TCF20: variants seen among roughly 807,000 people sequenced by gnomAD.
TCF20 encodes the protein SPRE-binding protein.
In TCF20, 3 loss-of-function variants were observed where a neutral mutation model predicts 148.6. The observed-to-expected ratio is 0.02, with a 90% CI of 0.01 to 0.05. The LOEUF (loss-of-function observed/expected upper bound fraction) is 0.05, where lower values mean the gene tolerates loss of function less well. Among genes scored for constraint, TCF20 ranks in the 10% least tolerant of loss-of-function variants. The probability of loss-of-function intolerance (pLI) is 1.00; values close to 1 mark genes in which losing one functional copy is unlikely to be tolerated. For missense variants in TCF20, 2,350 were observed against 2,429.3 expected, an observed-to-expected ratio of 0.97 and a Z score of 0.69; for synonymous variants, 1,049 against 909.5, an observed-to-expected ratio of 1.15 and a Z score of -2.76.
upstream of TCF20, among the ~76,000 whole-genome samples, chr22:42,271,239 G>A (rs1482493731): frequency 6.6e-6 from 1 of 152,242 alleles, no homozygotes; most frequent in Non-Finnish European, 1.5e-5. Context: ...GAACGACTTG[G>A]GTCCTCTCAG....
At chr22:42,215,385 G>A in intron 1 of TCF20, 44 bp from the exon 2 acceptor site, 1 of 1,513,828 alleles carries the variant, frequency 6.6e-7, no homozygotes, top group Non-Finnish European at 8.8e-7. Context: ...CATCTCCTTG[G>A]TACAAATAAA....
chr22:42,239,918 AAT>A (rs1924245495), intron 1 of TCF20, among the ~76,000 whole-genome samples: 2 of 152,270 alleles, frequency 1.3e-5, no homozygotes, highest in South Asian at 4.1e-4. Context: ...AGACTTGCTC[AAT>A]GCAGGGTTGC....
intron 1 of TCF20, among the ~76,000 whole-genome samples, chr22:42,249,646 T>C (rs1229741734): frequency 2.0e-5 from 3 of 152,232 alleles, no homozygotes; most frequent in Non-Finnish European, 4.4e-5. Flanking sequence ...ACAAAATTTG[T>C]GGATCACAAC....
chr22:42,222,154 A>G (rs1922438362), intron 1 of TCF20, among the ~76,000 whole-genome samples: 2 of 152,194 alleles, frequency 1.3e-5, no homozygotes, highest in African/African-American at 4.8e-5. Context: ...TCATTTCTAA[A>G]AGACAACAAA....
At chr22:42,197,951 AACC>A (rs1937690357) in intron 2 of TCF20, among the ~76,000 whole-genome samples, 1 of 152,212 alleles carries the variant, frequency 6.6e-6, no homozygotes, top group Admixed American at 6.5e-5. Flanking sequence ...TTGTTGATTA[AACC>A]ACAAGACAAT....
intron 1 of TCF20, among the ~76,000 whole-genome samples, chr22:42,294,866 G>C (rs574783547): frequency 1.3e-5 from 2 of 152,358 alleles, no homozygotes; most frequent in East Asian, 3.9e-4. Context: ...CGGTGCTGTG[G>C]TTGGGTGGAG....
At chr22:42,178,776 C>T (rs1936596414) in intron 3 of TCF20, among the ~76,000 whole-genome samples, 1 of 151,426 alleles carries the variant, frequency 6.6e-6, no homozygotes, top group Admixed American at 6.6e-5. Flanking sequence ...GACGGGGTTT[C>T]ACTATTTTAG....
At chr22:42,164,536 T>C (rs1015537016) in intron 5 of TCF20, among the ~76,000 whole-genome samples, 1 of 152,220 alleles carries the variant, frequency 6.6e-6, no homozygotes, top group African/African-American at 2.4e-5. Context: ...GATGCACTCA[T>C]TTCTTTAACA....
chr22:42,231,981 A>C (rs1923460468), intron 1 of TCF20, among the ~76,000 whole-genome samples: 1 of 152,190 alleles, frequency 6.6e-6, no homozygotes, highest in African/African-American at 2.4e-5. Flanking sequence ...TATCAAAACA[A>C]GAAAACTTTA....
At chr22:42,280,508 T>G (rs1926878575) in intron 1 of TCF20, among the ~76,000 whole-genome samples, 1 of 152,244 alleles carries the variant, frequency 6.6e-6, no homozygotes. Context: ...CCCTGCACAC[T>G]TTTAGTTTCT....
intron 1 of TCF20, among the ~76,000 whole-genome samples, chr22:42,282,243 C>T (rs1349792832): frequency 1.3e-5 from 2 of 152,224 alleles, no homozygotes; most frequent in African/African-American, 4.8e-5. Context: ...GCCTGAGCTA[C>T]GGCCTGGCCC....
intron 1 of TCF20, among the ~76,000 whole-genome samples, chr22:42,226,724 A>G (rs1922937023): frequency 6.6e-6 from 1 of 152,172 alleles, no homozygotes; most frequent in Non-Finnish European, 1.5e-5. Context: ...AAGAAATAAT[A>G]ATAAAACAAA....
chr22:42,245,356 A>G (rs1924817969), intron 1 of TCF20, among the ~76,000 whole-genome samples: 1 of 152,026 alleles, frequency 6.6e-6, no homozygotes, highest in Non-Finnish European at 1.5e-5. Flanking sequence ...GTAGGCGTCA[A>G]CTACTGTGTC....
chr22:42,211,221 G>A lies in TCF20; in HGVS notation c.4085C>T (p.Pro1362Leu), dbSNP rs1447622853. 6.2e-7 allele frequency: 1 copy of A among 1,614,016 alleles called. No homozygotes were observed. Residue 1362 changes from proline (P) to leucine (L), a missense_variant, in exon 2 of 6, where the codon CCA becomes CTA. Pro to Leu is a moderately conservative substitution (Grantham distance 98). Transcript: ENST00000677622. ...LEAIVQKITS[P>L]NIRRSASSNS... ...CGAAGATGCGCTCCTCCTAATATTT[G>A]GGGATGTAATCTTCTGAACTATAGC...
intron 2 of TCF20, among the ~76,000 whole-genome samples, chr22:42,193,676 C>T (rs1332122020): frequency 3.3e-5 from 5 of 152,096 alleles, no homozygotes; most frequent in African/African-American, 1.2e-4. Flanking sequence ...TATCCAACAC[C>T]TTGACAAGGC....
intron 1 of TCF20, among the ~76,000 whole-genome samples, chr22:42,268,831 A>G (rs1424051088): frequency 6.6e-6 from 1 of 152,228 alleles, no homozygotes; most frequent in Non-Finnish European, 1.5e-5. Context: ...AAAAGAGCGT[A>G]CCCTGACCAA....
chr22:42,250,008 C>T (rs1320050842), intron 1 of TCF20, among the ~76,000 whole-genome samples: 4 of 152,032 alleles, frequency 2.6e-5, no homozygotes, highest in African/African-American at 4.8e-5. Context: ...TAGTCAGTCC[C>T]GGCTACTAGG....
intron 1 of TCF20, among the ~76,000 whole-genome samples, chr22:42,327,430 G>C (rs1927894308): frequency 6.6e-6 from 1 of 152,170 alleles, no homozygotes; most frequent in Non-Finnish European, 1.5e-5. Context: ...CAGAGGTGCA[G>C]GGCACAGGCC....
chr22:42,215,218 A>T lies in TCF20; in HGVS notation c.88T>A (p.Phe30Ile). The change falls in exon 2 of 6, where the codon TTC becomes ATC. Residue 30 changes from phenylalanine (F) to isoleucine (I), a missense_variant. Around this residue, in one of 7 missense-constraint regions of TCF20, gnomAD observed 1,641 missense variants for 1,662.6 expected, o/e 0.99. Transcript: ENST00000677622. ...AACATCTGGGCCTGACGAGGGCTGA[A>T]CTCTTCTAGCCGGGATGAGCCGTGT... The part of the protein sequence containing the change: ...EVHGSSRLEE[F>I]SPRQAQMFQN... 6.2e-7 allele frequency: 1 copy of T among 1,613,854 alleles called. No homozygotes were observed. Among genetic ancestry groups the T allele is most frequent in the Non-Finnish European group, 8.5e-7 (1 of 1,179,966 alleles).
Sources: allele counts gnomAD v4.1 joint callset (sites outside exome capture counted in the v4.1 genomes callset), GRCh38; gene constraint gnomAD v4.1.1; regional missense constraint gnomAD v4.1.1; transcripts MANE v1.5; gene names NCBI Gene and HGNC (gene_info 2026-07-23, HGNC 2026-07-21).